OSBPL8: variants seen among roughly 807,000 people sequenced by gnomAD.
The protein encoded by OSBPL8 is oxysterol-binding protein-related protein 8.
In OSBPL8, 59 loss-of-function variants were observed where a neutral mutation model predicts 125.5. The observed-to-expected ratio is 0.47, with a 90% CI of 0.38 to 0.58. OSBPL8 has a LOEUF of 0.58. Among genes scored for constraint, OSBPL8 ranks in the 20% least tolerant of loss-of-function variants. The pLI is 0.00. For synonymous variants in OSBPL8, 330 were observed against 338.9 expected, an observed-to-expected ratio of 0.97 and a Z score of 0.29; for missense variants, 758 against 1,047.8, an observed-to-expected ratio of 0.72 and a Z score of 3.82.
At chr12:76,515,855 G>A (rs1224016334) in intron 1 of OSBPL8, among the ~76,000 whole-genome samples, 3 of 152,064 alleles carry the variant, frequency 2.0e-5, no homozygotes, top group African/African-American at 4.8e-5. Context: ...CCCTGTGAGA[G>A]CCACACATAT....
In OSBPL8 at chr12:76,354,766, G is replaced by T. The variant is rs1951925330; in HGVS notation, c.*1123C>A. The T allele has an allele frequency of 6.6e-6, 1 of 151,916 alleles. No homozygotes were observed. The highest frequency in any genetic ancestry group is 2.4e-5 in the African/African-American group (1 of 41,434). The allele number at this position is 151,916 out of a possible 1,614,324, so 9.4% of individuals were successfully genotyped here. A position where few individuals can be genotyped will look rare whatever the true frequency, so the allele number is the denominator to read the frequency against. On this transcript the variant is annotated 3_prime_UTR_variant, in exon 24 of 24. Coordinates refer to ENST00000261183, the MANE Select transcript of OSBPL8 (RefSeq NM_020841.5). ...TTTTGCCACAGAAAGAAGTTACTAA[G>T]AAGAGAGGAGGATAATAAAAAAATT...
At chr12:76,399,307 G>T (rs1953953915) in intron 7 of OSBPL8, among the ~76,000 whole-genome samples, 2 of 151,968 alleles carry the variant, frequency 1.3e-5, no homozygotes, top group Admixed American at 1.3e-4. Context: ...TTAAACTCAG[G>T]ATTCCTACAG....
chr12:76,420,349 T>C (rs1869309330), intron 4 of OSBPL8, among the ~76,000 whole-genome samples: 1 of 152,076 alleles, frequency 6.6e-6, no homozygotes, highest in Admixed American at 6.6e-5. Context: ...TTACTCCAAT[T>C]TGTACGTACT....
chr12:76,359,511 G>C (rs994865279), intron 21 of OSBPL8, among the ~76,000 whole-genome samples: 3 of 152,162 alleles, frequency 2.0e-5, no homozygotes, highest in Non-Finnish European at 4.4e-5. Flanking sequence ...TTGGTGTTCA[G>C]TATTAAACTT....
chr12:76,435,572 A>G (rs1871349202), intron 4 of OSBPL8, among the ~76,000 whole-genome samples: 1 of 152,184 alleles, frequency 6.6e-6, no homozygotes. Context: ...GGTAATGGTG[A>G]GGTGATAGAA....
intron 4 of OSBPL8, among the ~76,000 whole-genome samples, chr12:76,421,393 C>A (rs2136495824): frequency 6.6e-6 from 1 of 152,154 alleles, no homozygotes. Context: ...AAAGCTTATA[C>A]TACTTAGGGA....
intron 4 of OSBPL8, among the ~76,000 whole-genome samples, chr12:76,424,713 T>C (rs1209139519): frequency 2.6e-5 from 4 of 152,144 alleles, no homozygotes; most frequent in Admixed American, 2.6e-4. Context: ...AGGATTGTTA[T>C]GAGGATTAAA....
At chr12:76,500,233 TTG>T (rs1257448896) in intron 1 of OSBPL8, among the ~76,000 whole-genome samples, 3 of 152,352 alleles carry the variant, frequency 2.0e-5, no homozygotes, top group African/African-American at 7.2e-5. Context: ...CTCTGACCCT[TTG>T]TGTCAGCCAA....
intron 2 of OSBPL8, among the ~76,000 whole-genome samples, chr12:76,476,404 G>A (rs972776233): frequency 6.6e-6 from 1 of 151,932 alleles, no homozygotes; most frequent in African/African-American, 2.4e-5. Context: ...TAATAAACAT[G>A]TTTAAAAAGA....
chr12:76,521,356 T>C (rs1013580055), intron 1 of OSBPL8, among the ~76,000 whole-genome samples: 1 of 152,178 alleles, frequency 6.6e-6, no homozygotes, highest in African/African-American at 2.4e-5. Context: ...CAGGTGGGAA[T>C]GTAAAATGGT....
At chr12:76,369,328 A>T (rs2136188456) in intron 20 of OSBPL8, 27 bp from the exon 21 acceptor site, 1 of 1,543,550 alleles carries the variant, frequency 6.5e-7, no homozygotes, top group East Asian at 2.3e-5. Context: ...AAAAAAAACC[A>T]TTTGCTCAAT....
intron 4 of OSBPL8, among the ~76,000 whole-genome samples, chr12:76,432,079 T>C (rs1355689464): frequency 6.6e-6 from 1 of 152,182 alleles, no homozygotes; most frequent in Non-Finnish European, 1.5e-5. Context: ...AAGTATCAAC[T>C]ACTTACTGTT....
chr12:76,517,835 C>CAAA (rs1166851494), intron 1 of OSBPL8, among the ~76,000 whole-genome samples: 2 of 152,120 alleles, frequency 1.3e-5, no homozygotes, highest in Admixed American at 6.5e-5. Context: ...CATACTCTTT[C>CAAA]AAACAACCAG....
intron 4 of OSBPL8, among the ~76,000 whole-genome samples, chr12:76,420,420 A>G (rs909024683): frequency 2.0e-5 from 3 of 152,116 alleles, no homozygotes; most frequent in Admixed American, 1.3e-4. Flanking sequence ...AGAGATAGAT[A>G]ATCAGATATG....
At chr12:76,371,231 G>GA (rs1178988140) in intron 19 of OSBPL8, 8 of 402,510 alleles carry the variant, frequency 2.0e-5, no homozygotes, top group Admixed American at 8.8e-5. Context: ...AATTGAGAAA[G>GA]AAAAAAATGA....
intron 1 of OSBPL8, among the ~76,000 whole-genome samples, chr12:76,529,783 G>A (rs144723744): frequency 1.8e-4 from 28 of 152,330 alleles, no homozygotes; most frequent in African/African-American, 6.7e-4. Flanking sequence ...CACTGTGAAA[G>A]AGGAAACCAA....
rs551508110 is a variant in OSBPL8, at chr12:76,547,040, A to C, written c.-68+12357T>G. Among the ~76,000 whole-genome samples, 9 of 152,352 alleles carry C rather than the reference A, an allele frequency of 5.9e-5. No homozygotes were observed. In the South Asian group the frequency reaches 1.9e-3, roughly 32 times the overall value. On this transcript the variant is annotated intron_variant, in intron 1 of 23. Coordinates refer to ENST00000261183, the MANE Select transcript of OSBPL8 (RefSeq NM_020841.5). ...CACAACCCCTCTGACAGGATTTTCA[A>C]CTTCAAAGTAGTCAGCATTTTTTAA... is the stretch of plus-strand genomic sequence containing the variant.
chr12:76,458,203 A>C (rs568131324), intron 3 of OSBPL8, among the ~76,000 whole-genome samples: 3 of 152,106 alleles, frequency 2.0e-5, no homozygotes, highest in Non-Finnish European at 4.4e-5. Context: ...GTCTAGGAGA[A>C]GTTGTGGCTG....
intron 1 of OSBPL8, among the ~76,000 whole-genome samples, chr12:76,550,403 CTATT>C (rs1432806647): frequency 1.2e-4 from 19 of 152,144 alleles, no homozygotes; most frequent in Admixed American, 2.6e-4. Context: ...GGTATCAACA[CTATT>C]TATTGGTTTT....
Sources: gnomAD v4.1 joint callset for allele counts (sites outside exome capture counted in the v4.1 genomes callset) on GRCh38, gnomAD v4.1.1 for gene constraint, MANE v1.5 for transcripts, NCBI Gene and HGNC (gene_info 2026-07-23, HGNC 2026-07-21) for gene names.